NKTR: variants seen among roughly 807,000 people sequenced by gnomAD.
NKTR encodes NK-tumor recognition protein.
A neutral mutation model predicts 156.3 loss-of-function variants in NKTR; 67 were observed. The observed-to-expected ratio is 0.43, with a 90% CI of 0.35 to 0.53. The LOEUF is 0.53. Ranked by LOEUF, NKTR falls within the 20% of genes least tolerant of loss-of-function variation. The pLI is 0.01. For missense variants in NKTR, 1,604 were observed against 1,730.9 expected, an observed-to-expected ratio of 0.93 and a Z score of 1.30; for synonymous variants, 640 against 596.6, an observed-to-expected ratio of 1.07 and a Z score of -1.06.
rs964792585 is a variant in NKTR at position 42,646,755 on chromosome 3, C to T, written c.*780C>T. 5.2e-5 allele frequency: 8 copies of T among 152,722 alleles called. No individual in the cohort carries two copies. Among genetic ancestry groups the T allele is most frequent in the African/African-American group, 1.9e-4 (8 of 41,550 alleles). The allele number at this position is 152,722 out of a possible 1,614,324, so 9.5% of individuals were successfully genotyped here. ...TGGTAATTTTTGGTGCGTCTTTAAGCATTACTCTTATATATCATATATTAA... is the reference window on the plus strand; with the variant it reads ...TGGTAATTTTTGGTGCGTCTTTAAGTATTACTCTTATATATCATATATTAA... On this transcript the variant is annotated 3_prime_UTR_variant, in exon 17 of 17. Coordinates refer to ENST00000232978, the MANE Select transcript of NKTR (RefSeq NM_005385.4).
intron 13 of NKTR, among the ~76,000 whole-genome samples, chr3:42,639,960 C>T (rs528456356): frequency 6.6e-6 from 1 of 151,374 alleles, no homozygotes; most frequent in East Asian, 1.9e-4. Context: ...AAAACTATTA[C>T]TATCAGTTTA....
rs539537567 is a variant in NKTR at position 42,611,626 on chromosome 3, G to A, written c.59-5944G>A. Among the ~76,000 whole-genome samples the A allele has an allele frequency of 3.3e-5, 5 of 151,814 alleles. No homozygotes were observed. The South Asian group carries it at 8.3e-4, about 25-fold the overall frequency. ...TAGGTGTCTATAATCCTAGCTACTC[G>A]GGAGGCTGAGGCAGGAGAATTGCTT... On this transcript the variant is annotated intron_variant, in intron 2 of 16. Coordinates refer to ENST00000232978, the MANE Select transcript of NKTR (RefSeq NM_005385.4).
intron 2 of NKTR, chr3:42,602,298 CTA>C (rs1204990057): frequency 6.6e-6 from 1 of 152,112 alleles, no homozygotes; most frequent in African/African-American, 2.4e-5. Context: ...AGCAAATAGA[CTA>C]TATAGCTTAG....
Position 42,600,705 on chromosome 3 carries a change from C to T in NKTR, c.-97C>T, listed in dbSNP as rs1402413775. ...GGAGGAGACGGCGTTCCGTTAGCGGCGTTGGGGTTTGGCTGCAGTGGCAGT... is the reference window on the plus strand; with the variant it reads ...GGAGGAGACGGCGTTCCGTTAGCGGTGTTGGGGTTTGGCTGCAGTGGCAGT... On this transcript the variant is annotated 5_prime_UTR_variant, in exon 1 of 17. Transcript: ENST00000232978. 1.2e-5 allele frequency: 3 copies of T among 251,838 alleles called. No individual in the cohort carries two copies. Among genetic ancestry groups the T allele is most frequent in the Non-Finnish European group, 2.3e-5 (3 of 131,834 alleles). The allele number at this position is 251,838 out of a possible 1,614,324, so 15.6% of individuals were successfully genotyped here.
chr3:42,602,097 C>T (rs1705552231), intron 2 of NKTR: 1 of 152,112 alleles, frequency 6.6e-6, no homozygotes, highest in South Asian at 2.1e-4. Context: ...ACAGCACAGC[C>T]CTGAGGTGAG....
Position 42,638,280 on chromosome 3 carries a change from G to T in NKTR, c.2576G>T (p.Arg859Ile). Reference protein sequence around the residue: ...SERECPHSKKRTLKENLSDHL... With the variant: ...SERECPHSKKITLKENLSDHL... ...CGGGAATGCCCTCATTCAAAAAAAA[G>T]AACTTTGAAAGAGAATCTTTCTGAT... The change falls in exon 13 of 17, where the codon AGA (arginine) becomes ATA (isoleucine). Residue 859 changes from arginine (R) to isoleucine (I), a missense_variant. Arg to Ile is a moderately conservative substitution (Grantham distance 97). Around this residue, in one of 6 missense-constraint regions of NKTR, gnomAD observed 1,255 missense variants for 1,243.7 expected, o/e 1.01. Transcript: ENST00000232978. 6.2e-7 allele frequency: 1 copy of T among 1,606,380 alleles called. No homozygotes were observed. The highest frequency in any genetic ancestry group is 8.5e-7 in the Non-Finnish European group (1 of 1,178,112).
intron 6 of NKTR, among the ~76,000 whole-genome samples, chr3:42,625,635 G>A (rs891822087): frequency 1.3e-5 from 2 of 152,112 alleles, no homozygotes; most frequent in Admixed American, 6.6e-5. Context: ...TTCTACCCAC[G>A]TATTCATAAA....
chr3:42,609,224 AAACTGGGGACAGAGGTCAAATGTAGG>A (rs1167787618), intron 2 of NKTR, among the ~76,000 whole-genome samples: 8 of 149,812 alleles, frequency 5.3e-5, no homozygotes, highest in Non-Finnish European at 7.4e-5. Flanking sequence ...ACTGTGCTAG[AAACTGGGGACAGAGGTCAAATGTAGG>A]AACTGGGGAC....
intron 9 of NKTR, chr3:42,633,197 G>A (rs1466408933): frequency 2.1e-5 from 9 of 433,938 alleles, no homozygotes; most frequent in Non-Finnish European, 2.6e-5. Context: ...ATACCACTAT[G>A]CTTGGCTAAT....
chr3:42,631,696 T>G (rs1708919915), intron 8 of NKTR, among the ~76,000 whole-genome samples: 1 of 152,204 alleles, frequency 6.6e-6, no homozygotes, highest in Non-Finnish European at 1.5e-5. Flanking sequence ...TAGTTTGCAT[T>G]CATGTCACGC....
chr3:42,624,185 T>C (rs1212172498), intron 6 of NKTR, among the ~76,000 whole-genome samples: 13 of 152,052 alleles, frequency 8.5e-5, no homozygotes, highest in African/African-American at 3.1e-4. Flanking sequence ...TATAAATCTA[T>C]TTGTAATTTT....
At chr3:42,604,157 C>G (rs911367931) in intron 2 of NKTR, among the ~76,000 whole-genome samples, 2 of 152,116 alleles carry the variant, frequency 1.3e-5, no homozygotes, top group Admixed American at 6.5e-5. Flanking sequence ...TCTTTTCATT[C>G]CTGATATTGA....
rs1210109281 is a variant in NKTR, at chr3:42,638,799, ACAAG to A, written c.3100_3103del (p.Gln1034LeufsTer17). The A allele has an allele frequency of 1.2e-6, 2 of 1,611,174 alleles. No homozygotes were observed. Among genetic ancestry groups the A allele is most frequent in the Admixed American group, 1.7e-5 (1 of 59,348 alleles). ...GAAGAGGAGGAGGAGGAGATTGATG[ACAAG>A]CAAGTTACTCAGGAATCAAAAGAGA... On this transcript the variant is annotated frameshift_variant, in exon 13 of 17. Coordinates refer to ENST00000232978, the MANE Select transcript of NKTR (RefSeq NM_005385.4). LOFTEE classifies it high-confidence loss of function.
chr3:42,628,299 A>G (rs1708583753), intron 6 of NKTR: 5 of 985,406 alleles, frequency 5.1e-6, no homozygotes, highest in Non-Finnish European at 3.6e-6. Flanking sequence ...TGTTTTCTGC[A>G]CTACTGCTAT....
intron 6 of NKTR, chr3:42,629,240 T>G (rs1708679149): frequency 9.2e-6 from 9 of 978,920 alleles, no homozygotes; most frequent in Non-Finnish European, 1.1e-5. Flanking sequence ...TTGCTGCCTG[T>G]TTTTATTTTT....
intron 13 of NKTR, among the ~76,000 whole-genome samples, chr3:42,640,238 TG>T (rs1455411145): frequency 6.6e-6 from 1 of 152,246 alleles, no homozygotes; most frequent in Non-Finnish European, 1.5e-5. Context: ...AGATTTTTGT[TG>T]TTGTTTGAAA....
In NKTR at chr3:42,639,429, C is replaced by T. The variant is rs775199018; in HGVS notation, c.3725C>T (p.Thr1242Ile). 54 of 1,613,872 alleles carry T rather than the reference C, an allele frequency of 3.3e-5. No homozygotes were observed. The highest frequency in any genetic ancestry group is 4.5e-5 in the Non-Finnish European group (53 of 1,179,844). The change falls in exon 13 of 17, where the codon ACA (threonine) becomes ATA (isoleucine). Residue 1242 changes from threonine (T) to isoleucine (I), a missense_variant. Thr to Ile is a moderately conservative substitution (Grantham distance 89, BLOSUM62 -1). Transcript: ENST00000232978. ...VGNLAAPNAATSSAVEVKVLT... is the reference protein window; with the variant it reads ...VGNLAAPNAAISSAVEVKVLT... ...AACCTGGCAGCACCTAATGCTGCCACATCCAGTGCTGTGGAAGTTAAGGTG... is the reference window on the plus strand; with the variant it reads ...AACCTGGCAGCACCTAATGCTGCCATATCCAGTGCTGTGGAAGTTAAGGTG...
At position 42,625,226 on chromosome 3, in the gene NKTR, C is replaced by T. The variant is rs148433868; in HGVS notation, c.374+3710C>T. ...TCAAGAGCAACAGAAGTCTCTTCAT[C>T]AGCTGCTGTTAGAACATGAGTCTGC... On this transcript the variant is annotated intron_variant, in intron 6 of 16. Transcript: ENST00000232978. Among the ~76,000 whole-genome samples, 158 of 152,244 alleles carry T rather than the reference C, an allele frequency of 1.0e-3. No homozygotes were observed. The East Asian group carries it at 0.011, about 11-fold the overall frequency.
chr3:42,601,611 T>C (rs975565527), intron 2 of NKTR: 1 of 152,286 alleles, frequency 6.6e-6, no homozygotes, highest in Non-Finnish European at 1.5e-5. Flanking sequence ...GCAGCATGCA[T>C]GCACTTAGCA....
Sources: allele counts gnomAD v4.1 joint callset (sites outside exome capture counted in the v4.1 genomes callset), GRCh38; gene constraint gnomAD v4.1.1; regional missense constraint gnomAD v4.1.1; transcripts MANE v1.5; gene names NCBI Gene and HGNC (gene_info 2026-07-23, HGNC 2026-07-21).